The following CCDC88A variants were observed in gnomAD, a reference collection of about 807,000 sequenced individuals.
CCDC88A encodes the protein girdin.
CCDC88A carries 54 observed loss-of-function variants against 234.3 expected under a neutral mutation model. That is an observed-to-expected ratio of 0.23 (90% CI 0.19 to 0.29). The LOEUF is 0.29. CCDC88A is among the 10% of genes least tolerant of loss of function. The probability of loss-of-function intolerance (pLI) is 1.00; values close to 1 mark genes in which losing one functional copy is unlikely to be tolerated. For synonymous variants in CCDC88A, 753 were observed against 737.8 expected (o/e 1.02, Z -0.33); for missense variants, 1,832 against 2,123.4 (o/e 0.86, Z 2.70).
chr2:55,378,738 CTTTTTTTTTTTTTT>C (rs79242911), intron 3 of CCDC88A, among the ~76,000 whole-genome samples: 63 of 142,788 alleles, frequency 4.4e-4, no homozygotes, highest in Admixed American at 5.5e-4. Context: ...TACACATATA[CTTTTTTTTTTTTTT>C]TTTTTTTTTT....
intron 2 of CCDC88A, among the ~76,000 whole-genome samples, chr2:55,415,274 A>C (rs1437463503): frequency 6.6e-6 from 1 of 152,142 alleles, no homozygotes; most frequent in Non-Finnish European, 1.5e-5. Context: ...ATGATCACAT[A>C]TTCCAGCCTG....
intron 9 of CCDC88A, among the ~76,000 whole-genome samples, chr2:55,346,840 T>C (rs1669172861): frequency 1.3e-5 from 2 of 152,184 alleles, no homozygotes; most frequent in East Asian, 3.8e-4. Context: ...TCCATTATCG[T>C]GGATATGTTA....
chr2:55,386,459 GTATTTTATTT>G (rs70954113), intron 3 of CCDC88A, among the ~76,000 whole-genome samples: 2 of 145,704 alleles, frequency 1.4e-5, no homozygotes, highest in African/African-American at 5.2e-5. Context: ...TTTGTAGATT[GTATTTTATTT>G]TATTTTATTT....
intron 17 of CCDC88A, 86 bp from the exon 18 acceptor site, chr2:55,322,778 C>T (rs978978079): frequency 5.0e-6 from 3 of 603,114 alleles, no homozygotes; most frequent in Non-Finnish European, 8.2e-6. Context: ...CTGGGCTGAT[C>T]TGGTGAATAC....
intron 2 of CCDC88A, among the ~76,000 whole-genome samples, chr2:55,401,737 C>A (rs1024798468): frequency 2.6e-5 from 4 of 151,600 alleles, no homozygotes; most frequent in African/African-American, 7.3e-5. Context: ...ACAGAGATTA[C>A]AGACACAGCC....
Position 55,335,104 on chromosome 2 carries a change from G to A in CCDC88A, c.1717C>T (p.Arg573Trp), listed in dbSNP as rs866318133. 2.5e-6 allele frequency: 4 copies of A among 1,591,424 alleles called. No individual in the cohort carries two copies. Among genetic ancestry groups the A allele is most frequent in the Admixed American group, 1.8e-5 (1 of 56,132 alleles). Residue 573 changes from arginine (R) to tryptophan (W), a missense_variant, in exon 15 of 33, where the codon CGG becomes TGG. By Grantham distance (101) the Arg-to-Trp change is moderately radical. This residue lies in a region of CCDC88A where 1,282 missense variants were observed against 1,543.6 expected (regional missense o/e 0.83). Transcript: ENST00000436346. This position sits in a 1 kb window ranked among gnomAD's most constrained non-coding sequence, Gnocchi z 4.5. ...CTTGCTTCTGCACTTATCTGGGACC[G>A]CTGCCTTAAGGAAGACACTGTTTGA... ...LNQTVSSLRQRSQISAEARVK... is the reference protein window; with the variant it reads ...LNQTVSSLRQWSQISAEARVK...
chr2:55,417,708 C>T (rs2105013359), intron 2 of CCDC88A: 1 of 152,116 alleles, frequency 6.6e-6, no homozygotes, highest in Middle Eastern at 3.4e-3. Context: ...TCTTTGAGCA[C>T]ACAGAGAAGT....
intron 13 of CCDC88A, chr2:55,337,051 T>C (rs1413181112): frequency 5.8e-6 from 2 of 346,458 alleles, no homozygotes; most frequent in Non-Finnish European, 5.1e-6. Context: ...AAATTTCACT[T>C]TCTAAACACA....
At chr2:55,352,485 C>A (rs1465011906) in intron 8 of CCDC88A, among the ~76,000 whole-genome samples, 4 of 151,240 alleles carry the variant, frequency 2.6e-5, no homozygotes, top group East Asian at 1.9e-4. Flanking sequence ...GATGACTGTA[C>A]AACTCTATGA....
At chr2:55,412,387 G>C (rs376583606) in intron 2 of CCDC88A, among the ~76,000 whole-genome samples, 5 of 152,294 alleles carry the variant, frequency 3.3e-5, no homozygotes, top group Admixed American at 2.6e-4. Context: ...CTAACCCCTG[G>C]GCCATGGATT....
chr2:55,347,229 ACCTTTTAAAAG>A (rs1002381524), intron 9 of CCDC88A, among the ~76,000 whole-genome samples: 14 of 152,150 alleles, frequency 9.2e-5, no homozygotes, highest in African/African-American at 3.4e-4. Flanking sequence ...TTAAAATCCA[ACCTTTTAAAAG>A]CCTTATTGTA....
chr2:55,353,515 A>C (rs1670154317), intron 8 of CCDC88A, among the ~76,000 whole-genome samples: 1 of 152,164 alleles, frequency 6.6e-6, no homozygotes, highest in Non-Finnish European at 1.5e-5. Context: ...TATGGACTGT[A>C]ATATTTTTTC....
chr2:55,301,076 G>T, intron 28 of CCDC88A, 130 bp downstream of exon 28: 2 of 623,228 alleles, frequency 3.2e-6, no homozygotes, highest in Admixed American at 3.3e-5. Context: ...AATGGTAGAG[G>T]TAACTATGAG....
chr2:55,376,405 T>C (rs539166589), intron 3 of CCDC88A, among the ~76,000 whole-genome samples: 2 of 152,124 alleles, frequency 1.3e-5, no homozygotes, highest in African/African-American at 2.4e-5. Context: ...CAAATAACCA[T>C]GAAAAATAAC....
chr2:55,349,544 T>C lies in CCDC88A; in HGVS notation c.856A>G (p.Ile286Val), dbSNP rs2104742345. 9 of 1,613,112 alleles carry C rather than the reference T, an allele frequency of 5.6e-6. 1 individual carries two copies. Among genetic ancestry groups the C allele is most frequent in the Middle Eastern group, 3.3e-4 (2 of 6,056 alleles). The stretch of plus-strand genomic sequence containing the variant: ...TCTTGTTGCAGCCTTTTGAGTTCTA[T>C]TTCCATTTGCTCAAGTTCTTGTTTA... ...DCKQELEQME[I>V]ELKRLQQENM... Residue 286 changes from isoleucine (I) to valine (V), a missense_variant, in exon 9 of 33, where the codon ATA becomes GTA. Physicochemically the swap from Ile to Val is conservative, Grantham distance 29. This residue lies in a region of CCDC88A where 1,282 missense variants were observed against 1,543.6 expected (regional missense o/e 0.83). Transcript: ENST00000436346.
chr2:55,392,208 T>A (rs1260986646), intron 2 of CCDC88A, among the ~76,000 whole-genome samples: 1 of 152,208 alleles, frequency 6.6e-6, no homozygotes, highest in Non-Finnish European at 1.5e-5. Context: ...CATATTCCCA[T>A]GTCAACAGCA....
At chr2:55,318,235 T>C (rs571367230) in intron 19 of CCDC88A, among the ~76,000 whole-genome samples, 226 of 152,292 alleles carry the variant, frequency 1.5e-3, no homozygotes, top group Middle Eastern at 3.4e-3. Context: ...TTAGAAATTT[T>C]TCAAGAGTCC....
At chr2:55,354,901 TTTTTAC>T (rs1188703742) in intron 8 of CCDC88A, among the ~76,000 whole-genome samples, 1 of 151,504 alleles carries the variant, frequency 6.6e-6, no homozygotes, top group African/African-American at 2.4e-5. Context: ...TTCTTTTCTT[TTTTTAC>T]TTTTAAACTT....
chr2:55,415,780 G>A (rs980900404), intron 2 of CCDC88A, among the ~76,000 whole-genome samples: 1 of 152,164 alleles, frequency 6.6e-6, no homozygotes, highest in East Asian at 1.9e-4. Flanking sequence ...AGTAGGTCCT[G>A]TTTCCACCAG....
Sources: gnomAD v4.1 joint callset for allele counts (sites outside exome capture counted in the v4.1 genomes callset) on GRCh38, gnomAD v4.1.1 for gene constraint, gnomAD v4.1.1 regional missense constraint, Gnocchi (gnomAD v3.1) non-coding constraint, MANE v1.5 for transcripts, NCBI Gene and HGNC (gene_info 2026-07-23, HGNC 2026-07-21) for gene names.